SRSF10: variants seen among roughly 807,000 people sequenced by gnomAD.
SRSF10 encodes serine/arginine-rich splicing factor 10.
A neutral mutation model predicts 32.6 loss-of-function variants in SRSF10; 9 were observed. The observed-to-expected ratio is 0.28, with a 90% CI of 0.17 to 0.48. The LOEUF is 0.48. Ranked by LOEUF, SRSF10 falls within the 20% of genes least tolerant of loss-of-function variation. The pLI, the probability that SRSF10 is intolerant of heterozygous loss-of-function variation, is 0.99. For synonymous variants in SRSF10, 105 were observed against 112.4 expected, an observed-to-expected ratio of 0.93 and a Z score of 0.42; for missense variants, 201 against 331.8, an observed-to-expected ratio of 0.61 and a Z score of 3.06.
intron 1 of SRSF10, 99 bp downstream of exon 1, chr1:23,980,092 C>T: frequency 7.6e-7 from 1 of 1,323,804 alleles, no homozygotes; most frequent in Non-Finnish European, 1.0e-6. Flanking sequence ...GCCATCTTCA[C>T]TCCGTCCCCT....
In SRSF10 at chr1:23,978,740, C is replaced by T; in HGVS notation, c.143G>A (p.Arg48His). Residue 48 changes from arginine to histidine, a missense_variant, in exon 2 of 6, where the codon CGC becomes CAC. Arg to His is a conservative substitution (Grantham distance 29). This residue lies in a region of SRSF10 where 41 missense variants were observed against 109.5 expected (regional missense o/e 0.37). Coordinates refer to ENST00000492112, the MANE Select transcript of SRSF10 (RefSeq NM_054016.4). Reference protein sequence around the residue: ...DVYVPLDFYTRRPRGFAYVQF... With the variant: ...DVYVPLDFYTHRPRGFAYVQF... ...AACATAAGCAAATCCTCTTGGACGG[C>T]GAGTGTAGAAATCAAGTGGAACATA... The T allele has an allele frequency of 1.2e-6, 2 of 1,612,878 alleles. No individual in the cohort carries two copies. Among genetic ancestry groups the T allele is most frequent in the Admixed American group, 1.7e-5 (1 of 59,930 alleles).
At position 23,978,791 on chromosome 1, in the gene SRSF10, C is replaced by T; in HGVS notation, c.92G>A (p.Gly31Asp). The T allele has an allele frequency of 6.2e-7, 1 of 1,605,764 alleles. No homozygotes were observed. Among genetic ancestry groups the T allele is most frequent in the Non-Finnish European group, 8.5e-7 (1 of 1,175,388 alleles). ...TRSEDLRREF[G>D]RYGPIVDVYV... is the part of the protein sequence containing the mutation. Reference sequence around the variant, plus strand: ...CACATCAACTATAGGACCATAACGACCAAATTCACGCCGCAAGTCTTCAGA... The same window carrying T: ...CACATCAACTATAGGACCATAACGATCAAATTCACGCCGCAAGTCTTCAGA... The change falls in exon 2 of 6, where the codon GGT (glycine) becomes GAT (aspartate). Residue 31 changes from glycine (G) to aspartate (D), a missense_variant. Around this residue, in one of 3 missense-constraint regions of SRSF10, gnomAD observed 41 missense variants for 109.5 expected, o/e 0.37. Transcript: ENST00000492112.
In SRSF10 at chr1:23,971,099, T is replaced by C; in HGVS notation, c.*43A>G. 6.5e-7 allele frequency: 1 copy of C among 1,538,554 alleles called. No homozygotes were observed. Among genetic ancestry groups the C allele is most frequent in the Non-Finnish European group, 8.7e-7 (1 of 1,147,952 alleles). ...TAATTTAAGTAAACCAAACTATGAG[T>C]AAATGAATGATACATGCCTAAAAAT... is the stretch of plus-strand genomic sequence containing the variant. On this transcript the variant is annotated 3_prime_UTR_variant, in exon 6 of 6. Transcript: ENST00000492112.
Position 23,974,841 on chromosome 1 carries a change from A to AAAAG in SRSF10, c.274+129_274+132dup, listed in dbSNP as rs1442500130. 2.7e-3 allele frequency: 1,947 copies of AAAAG among 728,268 alleles called. 14 individuals are homozygous for AAAAG. The highest frequency in any genetic ancestry group is 0.024 in the African/African-American group (1,327 of 55,482). 45.1% of individuals were successfully genotyped at this position (728,268 alleles called of 1,614,324 possible). On this transcript the variant is annotated intron_variant, in intron 3 of 5. Coordinates refer to ENST00000492112, the MANE Select transcript of SRSF10 (RefSeq NM_054016.4). ...GAGTGAGACTCCGTCTCAAAAAAAA[A>AAAAG]AAAGAAAGAAAGAAAGAAAAAAAAG...
Position 23,965,986 on chromosome 1 carries a change from T to A in SRSF10, c.*5156A>T, listed in dbSNP as rs1641431416. On this transcript the variant is annotated 3_prime_UTR_variant, in exon 6 of 6. Coordinates refer to ENST00000492112, the MANE Select transcript of SRSF10 (RefSeq NM_054016.4). ...GAGTGTATAACGGTATACAACAAAA[T>A]ACTTTTTGTAATTAAATCTAGTCAC... is the stretch of plus-strand genomic sequence containing the variant. 6.6e-6 allele frequency: 1 copy of A among 151,524 alleles called. No homozygotes were observed. Among genetic ancestry groups the A allele is most frequent in the Non-Finnish European group, 1.5e-5 (1 of 67,848 alleles). 9.4% of individuals were successfully genotyped at this position (151,524 alleles called of 1,614,324 possible).
At chr1:23,973,918 A>G (rs1203740159) in intron 3 of SRSF10, among the ~76,000 whole-genome samples, 2 of 152,078 alleles carry the variant, frequency 1.3e-5, no homozygotes, top group Non-Finnish European at 2.9e-5. Flanking sequence ...CCAGGAATCT[A>G]TTACCCAACT....
At chr1:23,973,340 TTTTTG>T (rs2148503801) in intron 3 of SRSF10, among the ~76,000 whole-genome samples, 1 of 152,260 alleles carries the variant, frequency 6.6e-6, no homozygotes, top group East Asian at 1.9e-4. Flanking sequence ...AGTGAGTGCC[TTTTTG>T]TTTTGAGATT....
rs1641514121 is a variant in SRSF10, at chr1:23,967,578, A to C, written c.*3564T>G. The stretch of plus-strand genomic sequence containing the variant: ...TTTTATCTTTTCAGACCAGAGTCAA[A>C]ATATTCGTACAGTATTCATACTGCA... On this transcript the variant is annotated 3_prime_UTR_variant, in exon 6 of 6. Coordinates refer to ENST00000492112, the MANE Select transcript of SRSF10 (RefSeq NM_054016.4). The C allele has an allele frequency of 6.9e-6, 5 of 720,914 alleles. No homozygotes were observed. The East Asian group carries it at 1.2e-4, about 18-fold the overall frequency. 44.7% of individuals were successfully genotyped at this position (720,914 alleles called of 1,614,324 possible).
At chr1:23,977,171 C>T (rs917283487) in intron 2 of SRSF10, 11 of 152,300 alleles carry the variant, frequency 7.2e-5, no homozygotes, top group Non-Finnish European at 1.6e-4. Context: ...TTTGGCTTTT[C>T]CCTAAGTCTC....
chr1:23,970,086 G>A lies in SRSF10; in HGVS notation c.*1056C>T. 1.0e-6 allele frequency: 1 copy of A among 985,322 alleles called. No individual in the cohort carries two copies. The highest frequency in any genetic ancestry group is 1.2e-6 in the Non-Finnish European group (1 of 829,902). The allele number at this position is 985,322 out of a possible 1,614,324, so 61.0% of individuals were successfully genotyped here. A position where few individuals can be genotyped will look rare whatever the true frequency, so the allele number is the denominator to read the frequency against. ...AGTAAGAAAACTAAGCAATATTATGGTCAACAACGCTCCTTAAACTTTAGA... is the reference window on the plus strand; with the variant it reads ...AGTAAGAAAACTAAGCAATATTATGATCAACAACGCTCCTTAAACTTTAGA... On this transcript the variant is annotated 3_prime_UTR_variant, in exon 6 of 6. Coordinates refer to ENST00000492112, the MANE Select transcript of SRSF10 (RefSeq NM_054016.4).
rs1641682286 is a variant in SRSF10, at chr1:23,970,449, C to T, written c.*693G>A. ...GATTTTGGCTCACTGCAACTTCTAC[C>T]TCCCAGGTTCAAGCGATTCTCTTGC... On this transcript the variant is annotated 3_prime_UTR_variant, in exon 6 of 6. Coordinates refer to ENST00000492112, the MANE Select transcript of SRSF10 (RefSeq NM_054016.4). 1.1e-5 allele frequency: 8 copies of T among 722,556 alleles called. No homozygotes were observed. The highest frequency in any genetic ancestry group is 1.4e-5 in the Non-Finnish European group (8 of 591,718). The allele number at this position is 722,556 out of a possible 1,614,324, so 44.8% of individuals were successfully genotyped here.
chr1:23,978,644 A>T, intron 2 of SRSF10, 69 bp downstream of exon 2: 1 of 1,534,442 alleles, frequency 6.5e-7, no homozygotes, highest in Non-Finnish European at 8.8e-7. Context: ...TTTAGATGTT[A>T]CCACTTACAT....
Position 23,969,180 on chromosome 1 carries a change from T to C in SRSF10, c.*1962A>G, listed in dbSNP as rs1641603573. The C allele has an allele frequency of 2.0e-6, 2 of 984,894 alleles. No individual in the cohort carries two copies. Among genetic ancestry groups the C allele is most frequent in the Non-Finnish European group, 1.2e-6 (1 of 829,192 alleles). 61.0% of individuals were successfully genotyped at this position (984,894 alleles called of 1,614,324 possible). On this transcript the variant is annotated 3_prime_UTR_variant, in exon 6 of 6. Coordinates refer to ENST00000492112, the MANE Select transcript of SRSF10 (RefSeq NM_054016.4). The stretch of plus-strand genomic sequence containing the variant: ...GATCCAAACATTGATGTTTTAAAGG[T>C]TGTACACAATATTTGTTAAAAAGAA...
Position 23,967,617 on chromosome 1 carries a change from A to AC in SRSF10, c.*3524dup, listed in dbSNP as rs1235476855. The AC allele has an allele frequency of 3.6e-5, 41 of 1,127,238 alleles. No homozygotes were observed. Among genetic ancestry groups the AC allele is most frequent in the Non-Finnish European group, 8.1e-6 (6 of 740,214 alleles). The allele number at this position is 1,127,238 out of a possible 1,614,324, so 69.8% of individuals were successfully genotyped here. A position where few individuals can be genotyped will look rare whatever the true frequency, so the allele number is the denominator to read the frequency against. On this transcript the variant is annotated 3_prime_UTR_variant, in exon 6 of 6. Transcript: ENST00000492112. ...ATTCATACTGCAGCACCTTCCACCC[A>AC]CCCTTTGGTCGCTTGAACTGCCCTT...
Position 23,971,971 on chromosome 1 carries a change from T to C in SRSF10, c.316A>G (p.Ser106Gly). The part of the protein sequence containing the change: ...MKAKEGRNVY[S>G]SSRYDDYDRY... ...TCATAATCATCATAGCGTGAAGAAC[T>C]GTACACATTCCTCCCTTCCTTGGCT... Residue 106 changes from serine (S) to glycine (G), a missense_variant, in exon 4 of 6, where the codon AGT becomes GGT. Ser to Gly is a moderately conservative substitution (Grantham distance 56). Around this residue, in one of 3 missense-constraint regions of SRSF10, gnomAD observed 159 missense variants for 196.7 expected, o/e 0.81. Coordinates refer to ENST00000492112, the MANE Select transcript of SRSF10 (RefSeq NM_054016.4). 1 of 1,562,954 alleles carries C rather than the reference T, an allele frequency of 6.4e-7. No homozygotes were observed. Among genetic ancestry groups the C allele is most frequent in the African/African-American group, 1.4e-5 (1 of 72,274 alleles).
chr1:23,978,178 T>C (rs1642202682), intron 2 of SRSF10: 2 of 985,412 alleles, frequency 2.0e-6, no homozygotes, highest in Admixed American at 1.2e-4. Context: ...TAAGAGGTCT[T>C]TGGCTTGTCT....
chr1:23,968,464 C>T lies in SRSF10; in HGVS notation c.*2678G>A, dbSNP rs1472161430. ...TCTGCCTTACAGTCTTTTCTTTGTG[C>T]CTCAGTTTCCTTATCTGTGATATGG... On this transcript the variant is annotated 3_prime_UTR_variant, in exon 6 of 6. Coordinates refer to ENST00000492112, the MANE Select transcript of SRSF10 (RefSeq NM_054016.4). Among the ~76,000 whole-genome samples, 1 of 152,088 alleles carries T rather than the reference C, an allele frequency of 6.6e-6. No individual in the cohort carries two copies. The highest frequency in any genetic ancestry group is 2.4e-5 in the African/African-American group (1 of 41,418).
intron 2 of SRSF10, 91 bp from the exon 3 acceptor site, chr1:23,975,168 C>G: frequency 9.9e-7 from 1 of 1,013,466 alleles, no homozygotes; most frequent in Admixed American, 1.8e-5. Flanking sequence ...CACAATCTCC[C>G]AATATTATTC....
At position 23,968,090 on chromosome 1, in the gene SRSF10, TAAGTGGGGGACTCAACTACATCACCCA is replaced by T. The variant is rs1411198100; in HGVS notation, c.*3025_*3051del. 7 of 1,444,986 alleles carry T rather than the reference TAAGTGGGGGACTCAACTACATCACCCA, an allele frequency of 4.8e-6. No individual in the cohort carries two copies. Among genetic ancestry groups the T allele is most frequent in the Middle Eastern group, 2.5e-4 (1 of 4,070 alleles). 89.5% of individuals were successfully genotyped at this position (1,444,986 alleles called of 1,614,324 possible). A position where few individuals can be genotyped will look rare whatever the true frequency, so the allele number is the denominator to read the frequency against. ...AGTCATACACAGTAGGTAAACTCAGTAAGTGGGGGACTCAACTACATCACCCAAAACTAACATAAAACACTACGTAAA... is the reference window on the plus strand; with the variant it reads ...AGTCATACACAGTAGGTAAACTCAGTAAACTAACATAAAACACTACGTAAA... On this transcript the variant is annotated 3_prime_UTR_variant, in exon 6 of 6. Coordinates refer to ENST00000492112, the MANE Select transcript of SRSF10 (RefSeq NM_054016.4).
Sources: gnomAD v4.1 joint callset for allele counts (sites outside exome capture counted in the v4.1 genomes callset) on GRCh38, gnomAD v4.1.1 for gene constraint, gnomAD v4.1.1 regional missense constraint, MANE v1.5 for transcripts, NCBI Gene and HGNC (gene_info 2026-07-23, HGNC 2026-07-21) for gene names.